LRP1B: variants seen among roughly 807,000 people sequenced by gnomAD.
The protein encoded by LRP1B is LDL receptor related protein 1B, also known as low-density lipoprotein receptor-related protein 1B.
In LRP1B, 217 loss-of-function variants were observed where a neutral mutation model predicts 556.6. That is an observed-to-expected ratio of 0.39 (90% CI 0.35 to 0.44). LRP1B has a LOEUF of 0.44. Ranked by LOEUF, LRP1B falls within the 20% of genes least tolerant of loss-of-function variation. LRP1B has a pLI of 1.00. For synonymous variants in LRP1B, 2,047 were observed against 1,865.8 expected (o/e 1.10, Z -2.50); for missense variants, 5,053 against 5,620.8 (o/e 0.90, Z 3.23).
chr2:140,443,789 T>C (rs1444229838), intron 65 of LRP1B, among the ~76,000 whole-genome samples: 1 of 152,200 alleles, frequency 6.6e-6, no homozygotes, highest in Non-Finnish European at 1.5e-5. Context: ...CAAAATATTT[T>C]ACTATTATTC....
At chr2:141,933,575 A>T (rs564461010) in intron 1 of LRP1B, among the ~76,000 whole-genome samples, 14 of 152,280 alleles carry the variant, frequency 9.2e-5, no homozygotes, top group Non-Finnish European at 1.3e-4. Flanking sequence ...ATAAATCTCA[A>T]TTGCAAGGAA....
At chr2:140,369,303 T>C (rs1487199948) in intron 71 of LRP1B, among the ~76,000 whole-genome samples, 1 of 151,920 alleles carries the variant, frequency 6.6e-6, no homozygotes, top group African/African-American at 2.4e-5. Context: ...TTAGGTGGCA[T>C]CATGCCAGCC....
chr2:141,129,412 G>A (rs995336759), intron 7 of LRP1B, among the ~76,000 whole-genome samples: 5 of 152,032 alleles, frequency 3.3e-5, no homozygotes, highest in Non-Finnish European at 7.4e-5. Context: ...CTTTTGAAAA[G>A]TTTACTGAGG....
intron 35 of LRP1B, among the ~76,000 whole-genome samples, chr2:140,750,991 CTTT>C (rs562658619): frequency 3.7e-4 from 36 of 98,092 alleles, no homozygotes; most frequent in East Asian, 8.6e-4. Context: ...CTTTTTTTTT[CTTT>C]TTTTTTTTTT....
intron 1 of LRP1B, among the ~76,000 whole-genome samples, chr2:142,097,370 G>C (rs1706412741): frequency 6.6e-6 from 1 of 151,410 alleles, no homozygotes; most frequent in South Asian, 2.1e-4. Context: ...ACATGTATTT[G>C]TATTTATAAA....
intron 3 of LRP1B, among the ~76,000 whole-genome samples, chr2:141,429,136 C>T (rs1277546589): frequency 6.7e-6 from 1 of 149,954 alleles, no homozygotes; most frequent in Non-Finnish European, 1.5e-5. Context: ...TAATGATAAA[C>T]AGCCAGACTG....
At position 140,588,740 on chromosome 2, in the gene LRP1B, T is replaced by C. The variant is rs936980815; in HGVS notation, c.7194+9891A>G. Among the ~76,000 whole-genome samples the C allele has an allele frequency of 2.6e-4, 40 of 151,166 alleles. 1 individual carries two copies. In the South Asian group the frequency reaches 4.2e-3, roughly 16 times the overall value. On this transcript the variant is annotated intron_variant, in intron 43 of 90. Coordinates refer to ENST00000389484, the MANE Select transcript of LRP1B (RefSeq NM_018557.3). ...CAGCACTTTGGGAGGCCAAGGCGGG[T>C]GGATCACGAGGTCAGGAGATCAGCC...
At chr2:141,432,420 C>T (rs950363334) in intron 3 of LRP1B, among the ~76,000 whole-genome samples, 1 of 151,858 alleles carries the variant, frequency 6.6e-6, no homozygotes, top group East Asian at 1.9e-4. Context: ...ATGTTTTTAT[C>T]TGGTTTTGAA....
chr2:140,693,033 T>C (rs973642743), intron 41 of LRP1B, among the ~76,000 whole-genome samples: 1 of 152,176 alleles, frequency 6.6e-6, no homozygotes, highest in Non-Finnish European at 1.5e-5. Context: ...ATTTTTCAAT[T>C]TATTTGTAAT....
At chr2:141,878,504 T>G (rs1166010519) in intron 1 of LRP1B, among the ~76,000 whole-genome samples, 3 of 151,254 alleles carry the variant, frequency 2.0e-5, no homozygotes, top group African/African-American at 7.3e-5. Flanking sequence ...TGATAGGCAA[T>G]AAACAAATAG....
chr2:141,593,289 A>G (rs1203923077), intron 2 of LRP1B, among the ~76,000 whole-genome samples: 1 of 152,188 alleles, frequency 6.6e-6, no homozygotes, highest in African/African-American at 2.4e-5. Flanking sequence ...AAAACATTTC[A>G]TTTCATTACT....
At chr2:140,530,470 C>A (rs758522624) in intron 47 of LRP1B, among the ~76,000 whole-genome samples, 1 of 151,948 alleles carries the variant, frequency 6.6e-6, no homozygotes, top group Non-Finnish European at 1.5e-5. Context: ...TCAGACAGCC[C>A]GGCTTATGGG....
intron 11 of LRP1B, among the ~76,000 whole-genome samples, chr2:141,024,601 G>C (rs138299992): frequency 1.3e-5 from 2 of 152,064 alleles, no homozygotes; most frequent in East Asian, 1.9e-4. Context: ...AATCTAAAAT[G>C]ATGAATAAAA....
rs1050770915 is a variant in LRP1B at position 140,683,499 on chromosome 2, G to A, written c.6799+16751C>T. Reference sequence around the variant, plus strand: ...GCTGACCCAAGGTTTGAGATCTTGAGAAACGCTCCCCTGGATGTCGTCAGC... The same window carrying A: ...GCTGACCCAAGGTTTGAGATCTTGAAAAACGCTCCCCTGGATGTCGTCAGC... On this transcript the variant is annotated intron_variant, in intron 41 of 90. Coordinates refer to ENST00000389484, the MANE Select transcript of LRP1B (RefSeq NM_018557.3). The A allele has an allele frequency of 2.9e-5, 17 of 585,822 alleles. 1 individual carries two copies. Among genetic ancestry groups the A allele is most frequent in the Admixed American group, 2.8e-4 (13 of 46,410 alleles). The allele number at this position is 585,822 out of a possible 1,614,324, so 36.3% of individuals were successfully genotyped here.
At chr2:140,900,294 C>G (rs1434063814) in intron 23 of LRP1B, among the ~76,000 whole-genome samples, 2 of 152,200 alleles carry the variant, frequency 1.3e-5, no homozygotes, top group African/African-American at 4.8e-5. Flanking sequence ...AAACAAACAT[C>G]TGGAGCCAAT....
intron 43 of LRP1B, among the ~76,000 whole-genome samples, chr2:140,587,405 C>G (rs540315435): frequency 1.5e-4 from 23 of 152,284 alleles, no homozygotes; most frequent in African/African-American, 4.6e-4. Flanking sequence ...CATAATTTAA[C>G]TTCTGAAATT....
intron 3 of LRP1B, among the ~76,000 whole-genome samples, chr2:141,403,470 T>C (rs1690520783): frequency 1.3e-5 from 2 of 152,122 alleles, no homozygotes; most frequent in African/African-American, 2.4e-5. Context: ...CTATGTGAGG[T>C]TGAAGTTCAG....
At chr2:140,682,166 G>A (rs1019829588) in intron 41 of LRP1B, among the ~76,000 whole-genome samples, 5 of 152,118 alleles carry the variant, frequency 3.3e-5, no homozygotes, top group African/African-American at 4.8e-5. Context: ...ATTATAATGC[G>A]ACAGAATGGG....
chr2:141,620,952 A>AG (rs1030457916), intron 2 of LRP1B, among the ~76,000 whole-genome samples: 1 of 130,438 alleles, frequency 7.7e-6, no homozygotes, highest in African/African-American at 2.6e-5. Context: ...CCTTTTAATA[A>AG]AAAAAAAAGG....
Sources: gnomAD v4.1 joint callset for allele counts (sites outside exome capture counted in the v4.1 genomes callset) on GRCh38, gnomAD v4.1.1 for gene constraint, MANE v1.5 for transcripts, NCBI Gene and HGNC (gene_info 2026-07-23, HGNC 2026-07-21) for gene names.